SMC5: variants seen among roughly 807,000 people sequenced by gnomAD.
SMC5 encodes the protein structural maintenance of chromosomes protein 5.
In SMC5, 88 loss-of-function variants were observed where a neutral mutation model predicts 148.3. The observed-to-expected ratio is 0.59, with a 90% CI of 0.50 to 0.71. SMC5 has a LOEUF of 0.71. SMC5 is among the 30% of genes least tolerant of loss of function. The pLI is 0.00. For missense variants in SMC5, 1,142 were observed against 1,298.9 expected, an observed-to-expected ratio of 0.88 and a Z score of 1.86; for synonymous variants, 421 against 432.8, an observed-to-expected ratio of 0.97 and a Z score of 0.34.
intron 18 of SMC5, chr9:70,344,809 A>G (rs2036623531): frequency 6.6e-6 from 1 of 152,150 alleles, no homozygotes; most frequent in South Asian, 2.1e-4. Context: ...TGGGGATGAT[A>G]CTTTGCCTAG....
At chr9:70,327,830 A>G (rs951131208) in intron 17 of SMC5, among the ~76,000 whole-genome samples, 1 of 152,196 alleles carries the variant, frequency 6.6e-6, no homozygotes, top group Non-Finnish European at 1.5e-5. Flanking sequence ...GCTAAAAAGA[A>G]CTACCTGAGA....
intron 10 of SMC5, among the ~76,000 whole-genome samples, chr9:70,302,502 A>ATAT (rs1554693939): frequency 4.5e-4 from 68 of 149,532 alleles, no homozygotes; most frequent in Middle Eastern, 3.4e-3. Flanking sequence ...AAGAAAAAAA[A>ATAT]ATATATATAT....
intron 17 of SMC5, among the ~76,000 whole-genome samples, chr9:70,342,905 C>T (rs2036563453): frequency 6.6e-6 from 1 of 152,142 alleles, no homozygotes; most frequent in African/African-American, 2.4e-5. Flanking sequence ...ATCACCTGTC[C>T]TTGGAATGTC....
At chr9:70,325,266 C>A (rs2036049920) in intron 17 of SMC5, among the ~76,000 whole-genome samples, 1 of 152,080 alleles carries the variant, frequency 6.6e-6, no homozygotes. Context: ...TTGCTCAATT[C>A]CAAGAACTTT....
At chr9:70,338,888 G>T (rs2036436109) in intron 17 of SMC5, among the ~76,000 whole-genome samples, 1 of 152,040 alleles carries the variant, frequency 6.6e-6, no homozygotes, top group East Asian at 1.9e-4. Flanking sequence ...TAAATGATCT[G>T]AGTGTACCTA....
At chr9:70,346,154 A>T (rs539975450) in intron 18 of SMC5, among the ~76,000 whole-genome samples, 1 of 152,214 alleles carries the variant, frequency 6.6e-6, no homozygotes, top group South Asian at 2.1e-4. Flanking sequence ...TAAGATGCCT[A>T]TTAGAGTCAA....
At chr9:70,351,405 A>C (rs185314584) in intron 24 of SMC5, among the ~76,000 whole-genome samples, 2 of 152,230 alleles carry the variant, frequency 1.3e-5, no homozygotes, top group African/African-American at 4.8e-5. Flanking sequence ...ATTTTTATTA[A>C]ATAGTGTCAT....
At chr9:70,304,786 C>G (rs1043660879) in intron 10 of SMC5, among the ~76,000 whole-genome samples, 2 of 148,380 alleles carry the variant, frequency 1.3e-5, no homozygotes, top group Admixed American at 6.7e-5. Context: ...TACAAATAAG[C>G]CATAGCAAGG....
At chr9:70,283,883 A>G (rs1313035418) in intron 7 of SMC5, among the ~76,000 whole-genome samples, 2 of 152,114 alleles carry the variant, frequency 1.3e-5, no homozygotes, top group Admixed American at 1.3e-4. Flanking sequence ...GGTTTTTGTT[A>G]CTGAATTTAA....
chr9:70,345,221 A>G (rs998418452), intron 18 of SMC5, among the ~76,000 whole-genome samples: 1 of 152,094 alleles, frequency 6.6e-6, no homozygotes, highest in Non-Finnish European at 1.5e-5. Flanking sequence ...TTGATAAGTC[A>G]TACTGTTTTT....
intron 17 of SMC5, among the ~76,000 whole-genome samples, chr9:70,343,587 G>A (rs926940223): frequency 1.3e-5 from 2 of 152,038 alleles, no homozygotes; most frequent in South Asian, 2.1e-4. Flanking sequence ...AGCCCAAGGC[G>A]GATGGATCAC....
intron 11 of SMC5, among the ~76,000 whole-genome samples, chr9:70,313,374 G>A (rs1375953848): frequency 2.6e-5 from 4 of 152,106 alleles, no homozygotes; most frequent in South Asian, 2.1e-4. Flanking sequence ...TAATAGCTAC[G>A]TTAAACTTCT....
rs192743112 is a variant in SMC5 at position 70,334,557 on chromosome 9, A to G, written c.2398-9587A>G. On this transcript the variant is annotated intron_variant, in intron 17 of 24. Coordinates refer to ENST00000361138, the MANE Select transcript of SMC5 (RefSeq NM_015110.4). Reference sequence around the variant, plus strand: ...ATGCCTGTGGGCCAAATCTAGCCCAAGGTCTTGTTTTTGTAAAGTCCCTGT... The same window carrying G: ...ATGCCTGTGGGCCAAATCTAGCCCAGGGTCTTGTTTTTGTAAAGTCCCTGT... 5.9e-5 allele frequency among the ~76,000 whole-genome samples: 9 copies of G among 152,290 alleles called. No individual in the cohort carries two copies. In the East Asian group the frequency reaches 1.5e-3, roughly 26 times the overall value.
rs1056976966 is a variant in SMC5 at position 70,287,550 on chromosome 9, A to C, written c.1053+1279A>C. 8.5e-5 allele frequency among the ~76,000 whole-genome samples: 13 copies of C among 152,328 alleles called. No homozygotes were observed. The East Asian group carries it at 2.5e-3, about 29-fold the overall frequency. Reference sequence around the variant, plus strand: ...GAAATTACCTGCCTTGGGGGTAGACATGTAACTTCAGGCATTTCTGATGGT... The same window carrying C: ...GAAATTACCTGCCTTGGGGGTAGACCTGTAACTTCAGGCATTTCTGATGGT... On this transcript the variant is annotated intron_variant, in intron 8 of 24. Coordinates refer to ENST00000361138, the MANE Select transcript of SMC5 (RefSeq NM_015110.4).
intron 17 of SMC5, among the ~76,000 whole-genome samples, chr9:70,324,765 T>G (rs2036034341): frequency 6.6e-6 from 1 of 152,060 alleles, no homozygotes; most frequent in Non-Finnish European, 1.5e-5. Flanking sequence ...CCCACTCAGG[T>G]TCAATAATTT....
chr9:70,352,318 C>T lies in SMC5; in HGVS notation c.3293C>T (p.Thr1098Ile). 6.3e-7 allele frequency: 1 copy of T among 1,592,092 alleles called. No homozygotes were observed. Among genetic ancestry groups the T allele is most frequent in the East Asian group, 2.2e-5 (1 of 44,776 alleles). Residue 1098 changes from threonine to isoleucine, a missense_variant, in exon 25 of 25, where the codon ACT (threonine) becomes ATT (isoleucine). Coordinates refer to ENST00000361138, the MANE Select transcript of SMC5 (RefSeq NM_015110.4). The stretch of plus-strand genomic sequence containing the variant: ...AGGCGGCGGCGCCGTATTACATTCA[C>T]TCAACCTTCTTAATAAAAGTAAAGA... ...FQRRRRRITFTQPS is the reference protein window; with the variant it reads ...FQRRRRRITFIQPS
Position 70,281,749 on chromosome 9 carries a change from G to A in SMC5, c.820-673G>A, listed in dbSNP as rs78230351. Among the ~76,000 whole-genome samples the A allele has an allele frequency of 7.3e-3, 1,100 of 151,716 alleles. 3 individuals carry two copies. Among genetic ancestry groups the A allele is most frequent in the South Asian group, 0.016 (79 of 4,800 alleles). On this transcript the variant is annotated intron_variant, in intron 6 of 24. Coordinates refer to ENST00000361138, the MANE Select transcript of SMC5 (RefSeq NM_015110.4). The stretch of plus-strand genomic sequence containing the variant: ...ATGATTCTTAAATTTTCCTTTCTTC[G>A]GCTTTTCTAAATTTTATTTTTCCTG...
In SMC5 at chr9:70,314,769, A is replaced by C; in HGVS notation, c.1606A>C (p.Asn536His). 6.4e-7 allele frequency: 1 copy of C among 1,567,802 alleles called. No individual in the cohort carries two copies. Among genetic ancestry groups the C allele is most frequent in the Non-Finnish European group, 8.6e-7 (1 of 1,156,114 alleles). Residue 536 changes from asparagine (N) to histidine (H), a missense_variant, in exon 12 of 25, where the codon AAT becomes CAT. Transcript: ENST00000361138. ...TCGTGACAATAAAAAATTAAGAGTA[A>C]ATGCTGTTATTGCTCCCAAGAGTTC... ...EVRDNKKLRV[N>H]AVIAPKSSYA...
intron 17 of SMC5, among the ~76,000 whole-genome samples, chr9:70,325,855 T>C (rs2036064498): frequency 6.6e-6 from 1 of 152,110 alleles, no homozygotes; most frequent in African/African-American, 2.4e-5. Flanking sequence ...AGGGAGCCAA[T>C]AGATAGTATC....
Sources: gnomAD v4.1 joint callset for allele counts (sites outside exome capture counted in the v4.1 genomes callset) on GRCh38, gnomAD v4.1.1 for gene constraint, MANE v1.5 for transcripts, NCBI Gene and HGNC (gene_info 2026-07-23, HGNC 2026-07-21) for gene names.